The following DNAJC1 variants were observed in gnomAD, a reference collection of about 807,000 sequenced individuals.
DNAJC1 encodes the protein dnaJ homolog subfamily C member 1.
DNAJC1 carries 58 observed loss-of-function variants against 76.6 expected under a neutral mutation model. The ratio of observed to expected loss-of-function variants is 0.76; its 90% CI spans 0.61 to 0.94. The LOEUF is 0.94. Ranked by LOEUF, DNAJC1 falls within the 40% of genes least tolerant of loss-of-function variation. The pLI, the probability that DNAJC1 is intolerant of heterozygous loss-of-function variation, is 0.00. For synonymous variants in DNAJC1, 258 were observed against 267.9 expected, an observed-to-expected ratio of 0.96 and a Z score of 0.36; for missense variants, 689 against 677.3, an observed-to-expected ratio of 1.02 and a Z score of -0.19.
chr10:21,811,701 T>C (rs1214579589), intron 8 of DNAJC1, among the ~76,000 whole-genome samples: 1 of 152,186 alleles, frequency 6.6e-6, no homozygotes, highest in Non-Finnish European at 1.5e-5. Flanking sequence ...CTCCTATTAA[T>C]GGATATTTGG....
At chr10:21,921,108 G>A (rs1045112729) in intron 3 of DNAJC1, 145 bp from the exon 4 acceptor site, 5 of 740,500 alleles carry the variant, frequency 6.8e-6, no homozygotes, top group South Asian at 4.7e-5. Flanking sequence ...TTATAATATC[G>A]AGTAAATTCA....
chr10:21,997,612 G>GT (rs202168141), intron 1 of DNAJC1, among the ~76,000 whole-genome samples: 5 of 152,222 alleles, frequency 3.3e-5, no homozygotes, highest in African/African-American at 1.2e-4. Context: ...GATCAGTGGT[G>GT]TTTTTTTAGG....
At chr10:21,869,075 G>A (rs770920501) in intron 8 of DNAJC1, among the ~76,000 whole-genome samples, 23 of 151,908 alleles carry the variant, frequency 1.5e-4, no homozygotes, top group Admixed American at 3.3e-4. Context: ...GGGAAAATTT[G>A]TATTCTGCAG....
chr10:21,855,869 T>C (rs1013187698), intron 8 of DNAJC1, among the ~76,000 whole-genome samples: 1 of 151,736 alleles, frequency 6.6e-6, no homozygotes, highest in Non-Finnish European at 1.5e-5. Flanking sequence ...TTCAAGTCAT[T>C]TTGCTAGGCA....
chr10:21,952,981 AAAATC>A (rs1837622910), intron 1 of DNAJC1, among the ~76,000 whole-genome samples: 1 of 152,204 alleles, frequency 6.6e-6, no homozygotes, highest in African/African-American at 2.4e-5. Context: ...AGTAGACACT[AAAATC>A]AACAGTGCAC....
intron 1 of DNAJC1, among the ~76,000 whole-genome samples, chr10:21,985,295 G>C (rs1838226464): frequency 6.7e-6 from 1 of 150,174 alleles, no homozygotes; most frequent in African/African-American, 2.5e-5. Context: ...TGTTGCCCAG[G>C]CTGGAGTGCA....
At chr10:21,984,592 T>C (rs1434935214) in intron 1 of DNAJC1, among the ~76,000 whole-genome samples, 1 of 152,174 alleles carries the variant, frequency 6.6e-6, no homozygotes, top group Non-Finnish European at 1.5e-5. Flanking sequence ...TAAACCCCAA[T>C]ATCCAATAAC....
intron 9 of DNAJC1, among the ~76,000 whole-genome samples, chr10:21,792,456 A>G (rs991806159): frequency 6.6e-6 from 1 of 152,190 alleles, no homozygotes; most frequent in African/African-American, 2.4e-5. Flanking sequence ...ACAAAAATCC[A>G]TAATTACTAG....
At chr10:21,768,982 G>C (rs755739442) in intron 9 of DNAJC1, among the ~76,000 whole-genome samples, 23 of 152,008 alleles carry the variant, frequency 1.5e-4, no homozygotes, top group Non-Finnish European at 2.8e-4. Flanking sequence ...ATCTTCCCTT[G>C]ACCTTATCTT....
chr10:21,762,267 C>A (rs557867006), intron 10 of DNAJC1, among the ~76,000 whole-genome samples: 5 of 152,318 alleles, frequency 3.3e-5, no homozygotes, highest in Non-Finnish European at 4.4e-5. Context: ...TGTATATTTA[C>A]TTATTCAATT....
At chr10:21,765,552 G>T (rs140508715) in intron 10 of DNAJC1, among the ~76,000 whole-genome samples, 3 of 152,222 alleles carry the variant, frequency 2.0e-5, no homozygotes, top group African/African-American at 7.2e-5. Flanking sequence ...TTGATTTTAA[G>T]AAACATAAAT....
At chr10:21,852,993 T>C (rs1835780373) in intron 8 of DNAJC1, among the ~76,000 whole-genome samples, 1 of 152,196 alleles carries the variant, frequency 6.6e-6, no homozygotes. Context: ...ATATCTTTCC[T>C]TTCCACTCTC....
chr10:21,968,672 G>A (rs923104169), intron 1 of DNAJC1, among the ~76,000 whole-genome samples: 3 of 151,642 alleles, frequency 2.0e-5, no homozygotes, highest in South Asian at 4.2e-4. Context: ...CACCACGCCC[G>A]GCTAATTTTT....
intron 6 of DNAJC1, among the ~76,000 whole-genome samples, chr10:21,916,363 C>A (rs536143719): frequency 1.3e-5 from 2 of 152,132 alleles, no homozygotes; most frequent in Admixed American, 6.6e-5. Flanking sequence ...GTAGCGGGCG[C>A]CTGTAGTCCC....
chr10:21,982,114 T>G (rs1838168166), intron 1 of DNAJC1, among the ~76,000 whole-genome samples: 1 of 152,200 alleles, frequency 6.6e-6, no homozygotes, highest in Admixed American at 6.5e-5. Flanking sequence ...CATGTTGTAT[T>G]CAGAATTAAG....
At chr10:21,852,036 G>A (rs1333053885) in intron 8 of DNAJC1, among the ~76,000 whole-genome samples, 1 of 151,542 alleles carries the variant, frequency 6.6e-6, no homozygotes, top group Non-Finnish European at 1.5e-5. Context: ...CTGAGCGACA[G>A]AGTGAGACTC....
intron 8 of DNAJC1, among the ~76,000 whole-genome samples, chr10:21,838,466 C>T (rs2131676636): frequency 6.6e-6 from 1 of 152,194 alleles, no homozygotes; most frequent in African/African-American, 2.4e-5. Flanking sequence ...ATCTCAAGTA[C>T]CCAGGGACAC....
chr10:21,765,193 C>A (rs1430542260), intron 10 of DNAJC1, among the ~76,000 whole-genome samples: 2 of 152,268 alleles, frequency 1.3e-5, no homozygotes, highest in East Asian at 3.9e-4. Context: ...TTGCTAAAGC[C>A]TGGAGAACTC....
chr10:21,843,224 T>C (rs1564805561), intron 8 of DNAJC1, among the ~76,000 whole-genome samples: 1 of 152,166 alleles, frequency 6.6e-6, no homozygotes, highest in Non-Finnish European at 1.5e-5. Flanking sequence ...CATACATGTA[T>C]ATATTAGTAA....
Sources: gnomAD v4.1 joint callset for allele counts (sites outside exome capture counted in the v4.1 genomes callset) on GRCh38, gnomAD v4.1.1 for gene constraint, MANE v1.5 for transcripts, NCBI Gene and HGNC (gene_info 2026-07-23, HGNC 2026-07-21) for gene names.